C6orf163: variants seen among roughly 807,000 people sequenced by gnomAD.
C6orf163 encodes the protein chromosome 6 open reading frame 163.
C6orf163 carries 22 observed loss-of-function variants against 28.4 expected under a neutral mutation model. The observed-to-expected ratio is 0.78, with a 90% CI of 0.55 to 1.11. C6orf163 has a LOEUF of 1.11. Ranked by LOEUF, C6orf163 falls within the 50% of genes least tolerant of loss-of-function variation. The pLI, the probability that C6orf163 is intolerant of heterozygous loss-of-function variation, is 0.00. For synonymous variants in C6orf163, 110 were observed against 123.6 expected, an observed-to-expected ratio of 0.89 and a Z score of 0.73; for missense variants, 342 against 389.1, an observed-to-expected ratio of 0.88 and a Z score of 1.02.
intron 1 of C6orf163, chr6:87,348,310 A>G: frequency 1.0e-6 from 1 of 985,578 alleles, no homozygotes; most frequent in Non-Finnish European, 1.2e-6. Flanking sequence ...TGACAGAAAA[A>G]TAGTAAACTT....
chr6:87,353,312 G>A (rs561963617), intron 3 of C6orf163, among the ~76,000 whole-genome samples: 34 of 152,212 alleles, frequency 2.2e-4, no homozygotes, highest in Admixed American at 3.9e-4. Context: ...CTGAAAGAGT[G>A]TAATTGGATT....
Position 87,345,166 on chromosome 6 carries a change from G to T in C6orf163, c.67G>T (p.Ala23Ser). Residue 23 changes from alanine (A) to serine (S), a missense_variant, in exon 1 of 5, where the codon GCC becomes TCC. Ala to Ser is a moderately conservative substitution (Grantham distance 99). Coordinates refer to ENST00000388923, the MANE Select transcript of C6orf163 (RefSeq NM_001010868.3). ...TGTTTGTAATAAAATAATTCCACCA[G>T]CCCCTTTTGGAAAAACCTTCAAACG... ...CAVCNKIIPP[A>S]PFGKTFKRIH... 6.5e-7 allele frequency: 1 copy of T among 1,536,486 alleles called. No individual in the cohort carries two copies. The highest frequency in any genetic ancestry group is 8.7e-7 in the Non-Finnish European group (1 of 1,146,618).
intron 3 of C6orf163, among the ~76,000 whole-genome samples, chr6:87,354,154 C>G (rs1353581471): frequency 6.6e-6 from 1 of 152,170 alleles, no homozygotes. Flanking sequence ...CCACCACACC[C>G]AGCAGGGTTG....
intron 4 of C6orf163, among the ~76,000 whole-genome samples, chr6:87,362,371 G>A (rs542050007): frequency 6.6e-5 from 10 of 152,168 alleles, no homozygotes; most frequent in Non-Finnish European, 1.5e-4. Context: ...CAGATACTTG[G>A]GAGGCTGAGG....
intron 3 of C6orf163, among the ~76,000 whole-genome samples, chr6:87,353,602 A>C (rs1002442181): frequency 4.6e-5 from 7 of 152,186 alleles, no homozygotes; most frequent in African/African-American, 1.7e-4. Flanking sequence ...ATTGATTCAT[A>C]TAGGAATATA....
At chr6:87,350,259 A>G in intron 2 of C6orf163, 135 bp from the exon 3 acceptor site, 1 of 636,340 alleles carries the variant, frequency 1.6e-6, no homozygotes, top group East Asian at 2.9e-5. Context: ...GAATGGGGCA[A>G]GAAATTAGGG....
intron 4 of C6orf163, chr6:87,356,822 A>G (rs1777509746): frequency 4.0e-6 from 1 of 247,440 alleles, no homozygotes; most frequent in Admixed American, 4.9e-5. Context: ...TACTCTCTAA[A>G]TATGGTATTT....
intron 4 of C6orf163, among the ~76,000 whole-genome samples, chr6:87,362,347 C>T (rs1276887673): frequency 6.6e-6 from 1 of 152,114 alleles, no homozygotes; most frequent in Non-Finnish European, 1.5e-5. Context: ...TGTGGGGGTG[C>T]ACACTTGTAA....
intron 3 of C6orf163, among the ~76,000 whole-genome samples, chr6:87,354,563 T>C (rs201405939): frequency 6.6e-6 from 1 of 152,192 alleles, no homozygotes; most frequent in Non-Finnish European, 1.5e-5. Flanking sequence ...TCAAAAAAAT[T>C]TTAGTGATTT....
intron 1 of C6orf163, chr6:87,348,236 C>T (rs1489482421): frequency 1.2e-5 from 12 of 983,884 alleles, no homozygotes; most frequent in Non-Finnish European, 1.4e-5. Context: ...ACTTTTATTA[C>T]CTTGTCTGGG....
In C6orf163 at chr6:87,365,338, A is replaced by C; in HGVS notation, c.932A>C (p.Glu311Ala). ...SPGHADFILP[E>A]RKKTPSNLVI... ...GGACATGCAGATTTTATTCTGCCAGAAAGAAAGAAAACACCTTCTAATCTT... is the reference window on the plus strand; with the variant it reads ...GGACATGCAGATTTTATTCTGCCAGCAAGAAAGAAAACACCTTCTAATCTT... Residue 311 changes from glutamate (E) to alanine (A), a missense_variant, in exon 5 of 5, where the codon GAA becomes GCA. Glu to Ala is a moderately radical substitution (Grantham distance 107, BLOSUM62 -1). Coordinates refer to ENST00000388923, the MANE Select transcript of C6orf163 (RefSeq NM_001010868.3). 6.4e-7 allele frequency: 1 copy of C among 1,550,850 alleles called. No homozygotes were observed. Among genetic ancestry groups the C allele is most frequent in the Non-Finnish European group, 8.7e-7 (1 of 1,146,582 alleles).
intron 4 of C6orf163, chr6:87,358,945 C>T (rs749350934): frequency 2.0e-5 from 3 of 152,182 alleles, no homozygotes; most frequent in Non-Finnish European, 4.4e-5. Flanking sequence ...TTATGACCTT[C>T]CATTATGCTA....
chr6:87,364,352 G>C (rs558506760), intron 4 of C6orf163, among the ~76,000 whole-genome samples: 11 of 151,980 alleles, frequency 7.2e-5, no homozygotes, highest in Non-Finnish European at 1.5e-4. Context: ...TTTTTCATAA[G>C]AGATTTTTAA....
intron 4 of C6orf163, among the ~76,000 whole-genome samples, chr6:87,364,442 G>A (rs909318614): frequency 4.0e-5 from 6 of 151,704 alleles, no homozygotes; most frequent in African/African-American, 1.5e-4. Flanking sequence ...AAGCTCTTTG[G>A]CTTCCTCGAT....
At chr6:87,355,725 C>T (rs1374569544) in intron 3 of C6orf163, among the ~76,000 whole-genome samples, 1 of 152,152 alleles carries the variant, frequency 6.6e-6, no homozygotes, top group Non-Finnish European at 1.5e-5. Flanking sequence ...CCCTTGAGGA[C>T]TAAGATCCCC....
At chr6:87,349,671 C>G (rs866759851) in intron 2 of C6orf163, among the ~76,000 whole-genome samples, 9 of 152,156 alleles carry the variant, frequency 5.9e-5, no homozygotes, top group African/African-American at 2.2e-4. Flanking sequence ...ATTAGCATTG[C>G]TCAGTATTCA....
At chr6:87,345,283 T>G in intron 1 of C6orf163, 36 bp downstream of exon 1, 1 of 1,481,478 alleles carries the variant, frequency 6.8e-7, no homozygotes. Flanking sequence ...GTTCTAATGC[T>G]TCATAGCCTT....
At chr6:87,345,940 A>AAAAAAAAAAAAT (rs869225279) in intron 1 of C6orf163, among the ~76,000 whole-genome samples, 2 of 141,344 alleles carry the variant, frequency 1.4e-5, no homozygotes, top group African/African-American at 5.3e-5. Context: ...AAAAAAAAAA[A>AAAAAAAAAAAAT]TTTTAAAGTA....
At chr6:87,359,832 G>A (rs1052773580) in intron 4 of C6orf163, among the ~76,000 whole-genome samples, 2 of 152,184 alleles carry the variant, frequency 1.3e-5, no homozygotes, top group African/African-American at 4.8e-5. Context: ...GAAATACGGT[G>A]TGTATTTCAA....
Sources: gnomAD v4.1 joint callset for allele counts (sites outside exome capture counted in the v4.1 genomes callset) on GRCh38, gnomAD v4.1.1 for gene constraint, MANE v1.5 for transcripts, NCBI Gene and HGNC (gene_info 2026-07-23, HGNC 2026-07-21) for gene names.